BMP5: variants seen among roughly 807,000 people sequenced by gnomAD.
The protein encoded by BMP5 is bone morphogenetic protein 5.
A neutral mutation model predicts 46.6 loss-of-function variants in BMP5; 23 were observed. The observed-to-expected ratio is 0.49, with a 90% CI of 0.35 to 0.70. The LOEUF (loss-of-function observed/expected upper bound fraction) is 0.70. Ranked by LOEUF, BMP5 falls within the 30% of genes least tolerant of loss-of-function variation. BMP5 has a pLI of 0.00. For missense variants in BMP5, 545 were observed against 565.6 expected (o/e 0.96, Z 0.37); for synonymous variants, 204 against 191.9 (o/e 1.06, Z -0.52).
intron 3 of BMP5, among the ~76,000 whole-genome samples, chr6:55,790,741 C>A (rs1183736299): frequency 6.6e-6 from 1 of 152,174 alleles, no homozygotes; most frequent in Non-Finnish European, 1.5e-5. Flanking sequence ...GACTTCCCTT[C>A]CTCTTCATCT....
intron 1 of BMP5, among the ~76,000 whole-genome samples, chr6:55,850,942 A>G (rs1169879972): frequency 6.6e-6 from 1 of 152,182 alleles, no homozygotes; most frequent in African/African-American, 2.4e-5. Context: ...TATACCATCT[A>G]GCATTTTCTG....
intron 2 of BMP5, among the ~76,000 whole-genome samples, chr6:55,819,294 A>G (rs1025656162): frequency 6.6e-6 from 1 of 152,202 alleles, no homozygotes. Flanking sequence ...TCTAACTTCC[A>G]GAACACCAAG....
intron 2 of BMP5, among the ~76,000 whole-genome samples, chr6:55,810,374 T>G (rs1776099610): frequency 6.6e-6 from 1 of 152,144 alleles, no homozygotes; most frequent in Admixed American, 6.5e-5. Context: ...CTAAGAAAAT[T>G]TAATCACTTT....
At chr6:55,853,800 C>A (rs1777314170) in intron 1 of BMP5, among the ~76,000 whole-genome samples, 1 of 152,160 alleles carries the variant, frequency 6.6e-6, no homozygotes, top group African/African-American at 2.4e-5. Context: ...TGAGTAAGAA[C>A]TGAAGTACGG....
intron 4 of BMP5, among the ~76,000 whole-genome samples, chr6:55,764,707 A>C (rs1349648589): frequency 2.6e-5 from 4 of 151,404 alleles, no homozygotes; most frequent in African/African-American, 9.7e-5. Flanking sequence ...GTTCTTAGTC[A>C]TATGTGTAAG....
rs1397971643 is a variant in BMP5, at chr6:55,759,237, T to C, written c.1105-122A>G. The C allele has an allele frequency of 9.4e-6, 6 of 638,078 alleles. No homozygotes were observed. In the African/African-American group the frequency reaches 9.5e-5, roughly 10 times the overall value. The allele number at this position is 638,078 out of a possible 1,614,324, so 39.5% of individuals were successfully genotyped here. On this transcript the variant is annotated intron_variant, in intron 5 of 6. Coordinates refer to ENST00000370830, the MANE Select transcript of BMP5 (RefSeq NM_021073.4). ...AATTTTTAAAAAATCTTAAAAGTTA[T>C]TGAAATATATTGTATCTGAATAGGT...
rs1253031304 is a variant in BMP5 at position 55,755,706 on chromosome 6, T to C, written c.1216-24A>G. 4 of 1,604,998 alleles carry C rather than the reference T, an allele frequency of 2.5e-6. No homozygotes were observed. In the Admixed American group the frequency reaches 6.7e-5, roughly 27 times the overall value. On this transcript the variant is annotated intron_variant, in intron 6 of 6. Coordinates refer to ENST00000370830, the MANE Select transcript of BMP5 (RefSeq NM_021073.4). Reference sequence around the variant, plus strand: ...ACCTGGGAAAGAAAAAAGGTTTTGTTTTATTAAGAAATAAAATATACATTC... The same window carrying C: ...ACCTGGGAAAGAAAAAAGGTTTTGTCTTATTAAGAAATAAAATATACATTC...
chr6:55,808,689 A>G (rs1776050907), intron 2 of BMP5, among the ~76,000 whole-genome samples: 1 of 152,088 alleles, frequency 6.6e-6, no homozygotes. Flanking sequence ...ATGCTCACTC[A>G]CCACCTCCCT....
chr6:55,755,931 C>T (rs1238314761), intron 6 of BMP5, among the ~76,000 whole-genome samples: 1 of 151,836 alleles, frequency 6.6e-6, no homozygotes. Context: ...ATAAAGAAAA[C>T]TTCCTCTATA....
intron 3 of BMP5, among the ~76,000 whole-genome samples, chr6:55,776,123 C>T (rs1349163802): frequency 6.6e-6 from 1 of 151,974 alleles, no homozygotes; most frequent in Non-Finnish European, 1.5e-5. Flanking sequence ...ATATAGATTT[C>T]TCTTTTAAAT....
chr6:55,757,064 G>C (rs139953109), intron 6 of BMP5, among the ~76,000 whole-genome samples: 155 of 152,022 alleles, frequency 1.0e-3, no homozygotes, highest in African/African-American at 3.3e-3. Context: ...TAGAGATACA[G>C]AGCAGACTCT....
At chr6:55,761,844 G>A (rs1215505247) in intron 4 of BMP5, among the ~76,000 whole-genome samples, 1 of 151,886 alleles carries the variant, frequency 6.6e-6, no homozygotes, top group African/African-American at 2.4e-5. Flanking sequence ...AGCGTCATAG[G>A]GGCAAGAATC....
intron 2 of BMP5, among the ~76,000 whole-genome samples, chr6:55,802,690 T>A (rs1475706619): frequency 6.6e-6 from 1 of 152,056 alleles, no homozygotes; most frequent in Non-Finnish European, 1.5e-5. Context: ...TATTCCTTAT[T>A]TTGAAATTAA....
intron 1 of BMP5, among the ~76,000 whole-genome samples, chr6:55,873,295 T>C (rs1275810640): frequency 6.6e-6 from 1 of 151,964 alleles, no homozygotes; most frequent in Non-Finnish European, 1.5e-5. Context: ...TCAAAGCAGA[T>C]TGCATTTTTA....
chr6:55,870,595 C>T (rs1777762609), intron 1 of BMP5, among the ~76,000 whole-genome samples: 1 of 152,020 alleles, frequency 6.6e-6, no homozygotes, highest in Non-Finnish European at 1.5e-5. Flanking sequence ...GTTGGAGAGA[C>T]TACATAGATA....
intron 4 of BMP5, among the ~76,000 whole-genome samples, chr6:55,764,051 T>C (rs932497195): frequency 6.6e-6 from 1 of 152,186 alleles, no homozygotes; most frequent in African/African-American, 2.4e-5. Context: ...AACCTCTTTT[T>C]TGAGGTTCCT....
intron 1 of BMP5, among the ~76,000 whole-genome samples, chr6:55,837,369 A>AGATAGATAGATATAGATG (rs371467921): frequency 6.0e-5 from 9 of 149,078 alleles, no homozygotes; most frequent in African/African-American, 2.3e-4. Flanking sequence ...ATAGATAGAT[A>AGATAGATAGATATAGATG]GATAGATAGA....
At chr6:55,781,260 T>A (rs1775310762) in intron 3 of BMP5, among the ~76,000 whole-genome samples, 1 of 152,144 alleles carries the variant, frequency 6.6e-6, no homozygotes, top group South Asian at 2.1e-4. Flanking sequence ...ATTATTTTTC[T>A]TCTTCTTCTC....
chr6:55,813,751 C>CA, intron 2 of BMP5, among the ~76,000 whole-genome samples: 1 of 147,920 alleles, frequency 6.8e-6, no homozygotes, highest in African/African-American at 2.5e-5. Flanking sequence ...TGCGCCACTG[C>CA]ACTCCAGCCT....
Sources: allele counts gnomAD v4.1 joint callset (sites outside exome capture counted in the v4.1 genomes callset), GRCh38; gene constraint gnomAD v4.1.1; transcripts MANE v1.5; gene names NCBI Gene and HGNC (gene_info 2026-07-23, HGNC 2026-07-21).